Variants in AMPH observed in about 807,000 individuals in gnomAD.
AMPH encodes amphiphysin (Stiff-Mann syndrome with breast cancer 128kD autoantigen).
AMPH carries 49 observed loss-of-function variants against 99.1 expected under a neutral mutation model. The ratio of observed to expected loss-of-function variants is 0.49; its 90% CI spans 0.39 to 0.63. The LOEUF is 0.63. Among genes scored for constraint, AMPH ranks in the 20% least tolerant of loss-of-function variants. The probability of loss-of-function intolerance (pLI) is 0.00; values close to 1 mark genes in which losing one functional copy is unlikely to be tolerated. For missense variants in AMPH, 759 were observed against 863.4 expected (o/e 0.88, Z 1.52); for synonymous variants, 314 against 317.3 (o/e 0.99, Z 0.11).
chr7:38,536,063 G>A (rs528004556), intron 1 of AMPH, among the ~76,000 whole-genome samples: 6 of 152,116 alleles, frequency 3.9e-5, no homozygotes, highest in Non-Finnish European at 7.4e-5. Context: ...TGCTAAACAC[G>A]GGTCACCCAG....
intron 4 of AMPH, among the ~76,000 whole-genome samples, chr7:38,492,880 C>A (rs1444722928): frequency 6.6e-6 from 1 of 152,070 alleles, no homozygotes; most frequent in East Asian, 1.9e-4. Flanking sequence ...TTTAGTTATA[C>A]CACTAATTAG....
chr7:38,589,654 T>TA (rs137876981), intron 1 of AMPH, among the ~76,000 whole-genome samples: 2,549 of 152,310 alleles, frequency 0.017, 62 homozygotes, highest in African/African-American at 0.051. Context: ...GAGGTTTTAT[T>TA]AAAATTATAT....
At chr7:38,494,412 G>A (rs1788846310) in intron 4 of AMPH, 21 bp downstream of exon 4, 1 of 1,609,412 alleles carries the variant, frequency 6.2e-7, no homozygotes. Context: ...GGAGCCTCAT[G>A]GAAGCCACCC....
chr7:38,613,521 C>A (rs1181245974), intron 1 of AMPH, among the ~76,000 whole-genome samples: 1 of 152,176 alleles, frequency 6.6e-6, no homozygotes, highest in Non-Finnish European at 1.5e-5. Flanking sequence ...GGGATAATTT[C>A]TAAGCAATCA....
At chr7:38,505,753 T>C (rs982967756) in intron 2 of AMPH, among the ~76,000 whole-genome samples, 1 of 152,054 alleles carries the variant, frequency 6.6e-6, no homozygotes, top group Non-Finnish European at 1.5e-5. Context: ...AGGATGAAGT[T>C]CTCAATACCA....
intron 9 of AMPH, among the ~76,000 whole-genome samples, chr7:38,464,686 G>A (rs368361213): frequency 6.6e-5 from 10 of 152,024 alleles, no homozygotes; most frequent in African/African-American, 2.2e-4. Flanking sequence ...TAAAAAAAAT[G>A]AGACCTCTAA....
At position 38,461,269 on chromosome 7, in the gene AMPH, A is replaced by ACTT. The variant is rs760792056; in HGVS notation, c.1017+13_1017+14insAAG. Reference sequence around the variant, plus strand: ...GACTTTCATGGACATACCAGCCCTGAACCAGGCACTTACCTGGGAAGGTGT... The same window carrying ACTT: ...GACTTTCATGGACATACCAGCCCTGACTTACCAGGCACTTACCTGGGAAGGTGT... On this transcript the variant is annotated intron_variant, in intron 11 of 20. Transcript: ENST00000356264. 3.8e-3 allele frequency: 6,146 copies of ACTT among 1,613,468 alleles called. 208 individuals are homozygous for ACTT. The African/African-American group carries it at 0.073, about 19-fold the overall frequency.
intron 1 of AMPH, among the ~76,000 whole-genome samples, chr7:38,579,939 T>C (rs890280354): frequency 3.3e-5 from 5 of 152,094 alleles, no homozygotes; most frequent in African/African-American, 1.2e-4. Context: ...TGCATACCAG[T>C]CCCAGACTCA....
rs548495399 is a variant in AMPH, at chr7:38,451,862, A to G, written c.1017+9421T>C. Among the ~76,000 whole-genome samples, 179 of 152,326 alleles carry G rather than the reference A, an allele frequency of 1.2e-3. 1 individual carries two copies. Among genetic ancestry groups the G allele is most frequent in the Admixed American group, 3.9e-3 (60 of 15,300 alleles). ...ATTTCTAAGTTCTTAGGATGGAAAA[A>G]TAGGGAACAATTTTTTGGACCTTTG... is the stretch of plus-strand genomic sequence containing the variant. On this transcript the variant is annotated intron_variant, in intron 11 of 20. Transcript: ENST00000356264.
chr7:38,454,533 T>TAA lies in AMPH; in HGVS notation c.1017+6748_1017+6749dup, dbSNP rs202161048. Among the ~76,000 whole-genome samples the TAA allele has an allele frequency of 3.4e-5, 5 of 144,972 alleles. No homozygotes were observed. In the East Asian group the frequency reaches 9.9e-4, roughly 29 times the overall value. The stretch of plus-strand genomic sequence containing the variant: ...AAGTCATGATAATTCTTGAGTCAAT[T>TAA]AAAAAAAAAAACACAAAAAACAGCC... On this transcript the variant is annotated intron_variant, in intron 11 of 20. Transcript: ENST00000356264.
intron 17 of AMPH, 142 bp downstream of exon 17, chr7:38,417,683 G>T: frequency 9.4e-7 from 1 of 1,067,790 alleles, no homozygotes; most frequent in Non-Finnish European, 1.3e-6. Flanking sequence ...AGGCATGAAG[G>T]CTATTTGAAC....
At chr7:38,411,344 G>A (rs1247681995) in intron 17 of AMPH, among the ~76,000 whole-genome samples, 1 of 152,170 alleles carries the variant, frequency 6.6e-6, no homozygotes, top group African/African-American at 2.4e-5. Context: ...AGTCCTCAAA[G>A]GCAGTATCTG....
At chr7:38,581,520 T>A (rs146833959) in intron 1 of AMPH, among the ~76,000 whole-genome samples, 2 of 152,262 alleles carry the variant, frequency 1.3e-5, no homozygotes, top group East Asian at 3.9e-4. Context: ...GTGGGCCTTT[T>A]TAAAGAACCT....
At chr7:38,406,708 C>CCTCTTCTCTCTCCTCCT (rs1200107140) in intron 17 of AMPH, among the ~76,000 whole-genome samples, 2 of 142,986 alleles carry the variant, frequency 1.4e-5, no homozygotes, top group African/African-American at 2.6e-5. Flanking sequence ...AGTTCTCTCT[C>CCTCTTCTCTCTCCTCCT]CTCTCCTCTC....
chr7:38,628,758 GT>G (rs1794349069), intron 1 of AMPH, among the ~76,000 whole-genome samples: 1 of 152,072 alleles, frequency 6.6e-6, no homozygotes, highest in Non-Finnish European at 1.5e-5. Flanking sequence ...ATTTGCTGGA[GT>G]TTTTTTCTGC....
chr7:38,522,238 C>T (rs541577092), intron 2 of AMPH, among the ~76,000 whole-genome samples: 18 of 152,280 alleles, frequency 1.2e-4, no homozygotes, highest in Non-Finnish European at 2.1e-4. Flanking sequence ...GTTAATATGG[C>T]CATATATTAA....
intron 4 of AMPH, 136 bp from the exon 5 acceptor site, chr7:38,491,281 T>C: frequency 1.6e-6 from 1 of 623,526 alleles, no homozygotes; most frequent in Non-Finnish European, 2.8e-6. Flanking sequence ...AAAATGAGAA[T>C]CATTTAATAA....
intron 1 of AMPH, among the ~76,000 whole-genome samples, chr7:38,593,467 G>A (rs184966491): frequency 6.6e-6 from 1 of 152,348 alleles, no homozygotes; most frequent in African/African-American, 2.4e-5. Context: ...GCGTTCCTGA[G>A]TGGCTCTTAC....
At chr7:38,436,839 G>A (rs1053057797) in intron 11 of AMPH, among the ~76,000 whole-genome samples, 12 of 152,178 alleles carry the variant, frequency 7.9e-5, no homozygotes, top group African/African-American at 2.9e-4. Context: ...ATTTTAAAAG[G>A]AAGGTGCCAT....
Sources: gnomAD v4.1 joint callset for allele counts (sites outside exome capture counted in the v4.1 genomes callset) on GRCh38, gnomAD v4.1.1 for gene constraint, MANE v1.5 for transcripts, NCBI Gene and HGNC (gene_info 2026-07-23, HGNC 2026-07-21) for gene names.